KDM6A: variants seen among roughly 807,000 people sequenced by gnomAD.
KDM6A encodes the protein lysine demethylase 6A, also known as lysine-specific demethylase 6A.
KDM6A carries 11 observed loss-of-function variants against 117.6 expected under a neutral mutation model. That is an observed-to-expected ratio of 0.09 (90% CI 0.06 to 0.15). The LOEUF (loss-of-function observed/expected upper bound fraction) is 0.15, where lower values mean the gene tolerates loss of function less well. KDM6A is among the 10% of genes least tolerant of loss of function. The probability of loss-of-function intolerance (pLI) is 1.00; values close to 1 mark genes in which losing one functional copy is unlikely to be tolerated. For missense variants in KDM6A, 799 were observed against 1,077.3 expected (o/e 0.74, Z 3.62); for synonymous variants, 384 against 396.1 (o/e 0.97, Z 0.36).
chrX:44,985,543 G>C (rs1353102653), intron 4 of KDM6A, among the ~76,000 whole-genome samples: 1 of 111,207 alleles, frequency 9.0e-6, no homozygotes, highest in African/African-American at 3.3e-5. Flanking sequence ...ATTGGCTGTG[G>C]GTTTGTCATA....
chrX:45,078,847 C>A (rs892254108), intron 20 of KDM6A, among the ~76,000 whole-genome samples: 7 of 110,174 alleles, frequency 6.4e-5, no homozygotes, highest in African/African-American at 2.3e-4. Context: ...CTAATAAATA[C>A]TATAGCCCCA....
chrX:45,081,395 A>C (rs769029810), intron 21 of KDM6A, among the ~76,000 whole-genome samples: 2 of 112,365 alleles, frequency 1.8e-5, no homozygotes, highest in Non-Finnish European at 3.8e-5. Context: ...TCTGTGACTC[A>C]AGAGTTGTAA....
intron 27 of KDM6A, 152 bp downstream of exon 27, chrX:45,091,016 T>G (rs1271673294): frequency 1.6e-6 from 1 of 611,239 alleles, no homozygotes; most frequent in East Asian, 3.6e-5. Context: ...GTTAAAAATA[T>G]TTTTCCCTTT....
At chrX:45,025,326 C>G (rs957888805) in intron 6 of KDM6A, among the ~76,000 whole-genome samples, 27 of 111,568 alleles carry the variant, frequency 2.4e-4, no homozygotes, top group Non-Finnish European at 3.2e-4. Flanking sequence ...CCACACCTGG[C>G]TAATTTTTGT....
rs1446875495 is a variant in KDM6A, at chrX:45,107,449, G to A, written c.4074G>A (p.Leu1358=). 1.7e-5 allele frequency: 21 copies of A among 1,206,387 alleles called. No homozygotes were observed. The highest frequency in any genetic ancestry group is 2.2e-5 in the Non-Finnish European group (20 of 891,991). The part of the protein sequence containing the change: ...LLRTLKQCQT[L]REALIAAGKE... ...GAACTCTGAAGCAATGTCAGACATT[G>A]AGGGAAGCTCTCATTGCTGCAGGAA... The change falls in exon 28 of 30, where the codon TTG becomes TTA. Residue 1358 remains leucine, a synonymous_variant. Coordinates refer to ENST00000611820, the MANE Select transcript of KDM6A (RefSeq NM_001291415.2).
chrX:45,000,665 C>G (rs905220393), intron 4 of KDM6A, among the ~76,000 whole-genome samples: 1 of 112,815 alleles, frequency 8.9e-6, no homozygotes, highest in Non-Finnish European at 1.9e-5. Flanking sequence ...TCTTCCCTGT[C>G]GTGAGAGACA....
At position 44,873,584 on chromosome X, in the gene KDM6A, C is replaced by T; in HGVS notation, c.33C>T (p.Ala11=). 1.7e-6 allele frequency: 2 copies of T among 1,204,807 alleles called. No homozygotes were observed. The highest frequency in any genetic ancestry group is 1.8e-5 in the South Asian group (1 of 56,475). The stretch of plus-strand genomic sequence containing the variant: ...CCTGCGGAGTGTCGCTCGCTACCGC[C>T]GCCGCTGCCGCCGCCGCTTTCGGTG... MKSCGVSLAT[A]AAAAAAFGDE... The change falls in exon 1 of 30, where the codon GCC becomes GCT. Residue 11 remains alanine (A), a synonymous_variant. Transcript: ENST00000611820.
chrX:44,992,115 A>C (rs1447592959), intron 4 of KDM6A, among the ~76,000 whole-genome samples: 1 of 109,464 alleles, frequency 9.1e-6, no homozygotes, highest in Non-Finnish European at 1.9e-5. Flanking sequence ...AATCCTTAAT[A>C]TTCTAAATAC....
At chrX:44,941,606 G>A (rs1261158424) in intron 2 of KDM6A, among the ~76,000 whole-genome samples, 2 of 106,566 alleles carry the variant, frequency 1.9e-5, no homozygotes, top group East Asian at 3.1e-4. Context: ...CCAGCCTCCC[G>A]AGTAGCTGGG....
intron 7 of KDM6A, among the ~76,000 whole-genome samples, chrX:45,037,438 A>G (rs937397374): frequency 1.8e-5 from 2 of 112,350 alleles, no homozygotes; most frequent in African/African-American, 6.5e-5. Flanking sequence ...AATGACCAAC[A>G]ATGAATACAT....
intron 4 of KDM6A, among the ~76,000 whole-genome samples, chrX:44,983,699 T>G (rs1401068462): frequency 9.1e-6 from 1 of 109,777 alleles, no homozygotes; most frequent in Non-Finnish European, 1.9e-5. Flanking sequence ...TTGCTGAGAA[T>G]GATGGTTTCC....
chrX:44,935,269 ACTTCTAGTAAGG>A (rs1489488235), intron 2 of KDM6A, among the ~76,000 whole-genome samples: 1 of 111,839 alleles, frequency 8.9e-6, no homozygotes, highest in Non-Finnish European at 1.9e-5. Flanking sequence ...AAATACACAT[ACTTCTAGTAAGG>A]CTTAGGGAGA....
At chrX:44,955,532 A>G (rs924470410) in intron 2 of KDM6A, among the ~76,000 whole-genome samples, 1 of 111,238 alleles carries the variant, frequency 9.0e-6, no homozygotes, top group African/African-American at 3.3e-5. Flanking sequence ...ATAACATGCA[A>G]TTTACCATTG....
chrX:45,045,890 A>G (rs961523352), intron 8 of KDM6A, among the ~76,000 whole-genome samples: 37 of 109,974 alleles, frequency 3.4e-4, no homozygotes, highest in African/African-American at 1.2e-3. Flanking sequence ...CAGAAGTGGA[A>G]TTGCTGGATC....
intron 8 of KDM6A, among the ~76,000 whole-genome samples, chrX:45,050,186 A>G (rs2043772496): frequency 8.9e-6 from 1 of 112,723 alleles, no homozygotes; most frequent in Non-Finnish European, 1.9e-5. Flanking sequence ...CTAAAAATAC[A>G]AAAGTAGGCG....
chrX:44,977,508 C>G (rs371008794), intron 4 of KDM6A, among the ~76,000 whole-genome samples: 1 of 111,509 alleles, frequency 9.0e-6, no homozygotes, highest in Non-Finnish European at 1.9e-5. Flanking sequence ...AAGTAATTCT[C>G]CCACCTCGGC....
chrX:45,048,178 A>C (rs2043662110), intron 8 of KDM6A, among the ~76,000 whole-genome samples: 1 of 108,172 alleles, frequency 9.2e-6, no homozygotes, highest in Admixed American at 9.9e-5. Context: ...AAAAAAAAAA[A>C]AACTACAAAT....
chrX:45,085,685 C>T (rs1229233229), intron 24 of KDM6A, among the ~76,000 whole-genome samples, 180 bp from the exon 25 acceptor site: 1 of 111,835 alleles, frequency 8.9e-6, no homozygotes, highest in Non-Finnish European at 1.9e-5. Context: ...AAAAATGCTA[C>T]AGTGATGAAG....
intron 17 of KDM6A, among the ~76,000 whole-genome samples, chrX:45,066,774 CG>C (rs1389457300): frequency 8.9e-6 from 1 of 111,776 alleles, no homozygotes; most frequent in African/African-American, 3.3e-5. Flanking sequence ...TCTTTAAAAA[CG>C]TAATTCGTAA....
Sources: allele counts gnomAD v4.1 joint callset (sites outside exome capture counted in the v4.1 genomes callset), GRCh38; gene constraint gnomAD v4.1.1; transcripts MANE v1.5; gene names NCBI Gene and HGNC (gene_info 2026-07-23, HGNC 2026-07-21).